Variants in CFAP70 observed in about 807,000 individuals in gnomAD.
CFAP70 encodes cilia- and flagella-associated protein 70.
A neutral mutation model predicts 137.6 loss-of-function variants in CFAP70; 81 were observed. The observed-to-expected ratio is 0.59, with a 90% CI of 0.49 to 0.71. The LOEUF is 0.71. CFAP70 is among the 30% of genes least tolerant of loss of function. The probability of loss-of-function intolerance (pLI) is 0.00; values close to 1 mark genes in which losing one functional copy is unlikely to be tolerated. For synonymous variants in CFAP70, 382 were observed against 423.6 expected (o/e 0.90, Z 1.20); for missense variants, 976 against 1,226.7 (o/e 0.80, Z 3.05).
rs547491696 is a variant in CFAP70, at chr10:73,353,982, C to A, written c.64-240G>T. 2.4e-3 allele frequency among the ~76,000 whole-genome samples: 363 copies of A among 152,254 alleles called. 1 individual carries two copies. Among genetic ancestry groups the A allele is most frequent in the Non-Finnish European group, 4.3e-3 (294 of 68,024 alleles). The stretch of plus-strand genomic sequence containing the variant: ...TGAAAATAACATTTATTGTGTTTCA[C>A]CTAATAATAAAAGTATACTGTGGAA... On this transcript the variant is annotated intron_variant, in intron 2 of 26. Transcript: ENST00000310715.
chr10:73,362,893 G>A (rs1442073957), upstream of CFAP70, among the ~76,000 whole-genome samples: 3 of 150,236 alleles, frequency 2.0e-5, no homozygotes, highest in Admixed American at 6.7e-5. Context: ...CAGTATGTTA[G>A]CTGTGTGTCT....
At chr10:73,268,996 G>C (rs1037838715) in intron 25 of CFAP70, among the ~76,000 whole-genome samples, 2 of 151,980 alleles carry the variant, frequency 1.3e-5, no homozygotes, top group Non-Finnish European at 2.9e-5. Flanking sequence ...CAGACCTCAG[G>C]TATTTTTAAA....
At chr10:73,329,889 G>A (rs2051897931) in intron 8 of CFAP70, among the ~76,000 whole-genome samples, 1 of 152,012 alleles carries the variant, frequency 6.6e-6, no homozygotes, top group African/African-American at 2.4e-5. Flanking sequence ...TGATTGATTA[G>A]CACTATCTAC....
chr10:73,313,655 CAA>C, intron 9 of CFAP70, among the ~76,000 whole-genome samples: 1 of 151,920 alleles, frequency 6.6e-6, no homozygotes, highest in Admixed American at 6.6e-5. Flanking sequence ...CCAGCCTACC[CAA>C]CATGGTGAAA....
At chr10:73,280,456 G>A (rs930262236) in intron 19 of CFAP70, among the ~76,000 whole-genome samples, 2 of 152,120 alleles carry the variant, frequency 1.3e-5, no homozygotes, top group African/African-American at 4.8e-5. Flanking sequence ...GAGTTTGTAA[G>A]TGTTCTCTTT....
At chr10:73,320,823 C>T (rs1343400870) in intron 9 of CFAP70, among the ~76,000 whole-genome samples, 1 of 152,034 alleles carries the variant, frequency 6.6e-6, no homozygotes, top group Non-Finnish European at 1.5e-5. Context: ...CACAACATCA[C>T]GCCCAGCAAA....
intron 20 of CFAP70, 147 bp downstream of exon 21, chr10:73,278,032 C>T (rs2046921068): frequency 1.5e-6 from 1 of 679,430 alleles, no homozygotes; most frequent in Non-Finnish European, 2.4e-6. Flanking sequence ...TCCTTGCTTA[C>T]TGAGAGAGTT....
intron 5 of CFAP70, among the ~76,000 whole-genome samples, chr10:73,343,171 C>T (rs1325744052): frequency 2.0e-5 from 3 of 148,088 alleles, no homozygotes; most frequent in Non-Finnish European, 4.4e-5. Context: ...GATCGCACCA[C>T]TGCACTCCAG....
chr10:73,284,762 A>C (rs1403803865), intron 19 of CFAP70, among the ~76,000 whole-genome samples: 13 of 27,802 alleles, frequency 4.7e-4, no homozygotes, highest in African/African-American at 2.1e-3. Flanking sequence ...ATATATATAT[A>C]TATATATATA....
At chr10:73,303,097 A>G (rs1023018742) in intron 12 of CFAP70, among the ~76,000 whole-genome samples, 6 of 152,002 alleles carry the variant, frequency 3.9e-5, no homozygotes, top group African/African-American at 1.5e-4. Context: ...AGGTCTTGCT[A>G]TGTTGCCCAG....
At chr10:73,337,318 T>C (rs533684935) in intron 6 of CFAP70, among the ~76,000 whole-genome samples, 5 of 151,722 alleles carry the variant, frequency 3.3e-5, no homozygotes, top group Admixed American at 6.6e-5. Flanking sequence ...CTGTCTCTAC[T>C]AAAGTAAATA....
At chr10:73,320,263 C>A (rs1298991358) in intron 9 of CFAP70, among the ~76,000 whole-genome samples, 1 of 151,980 alleles carries the variant, frequency 6.6e-6, no homozygotes, top group Non-Finnish European at 1.5e-5. Context: ...TTAATAAATT[C>A]ATTTGAAATT....
intron 12 of CFAP70, among the ~76,000 whole-genome samples, chr10:73,305,668 A>T (rs911372563): frequency 2.6e-5 from 4 of 152,220 alleles, no homozygotes; most frequent in Admixed American, 6.5e-5. Flanking sequence ...GGCTGAACAC[A>T]AGTTACACCT....
At chr10:73,322,965 T>C (rs533296760) in exon 9 of CFAP70, 1 of 1,585,086 alleles carries the variant, frequency 6.3e-7, no homozygotes, top group Admixed American at 1.9e-5. Context: ...TTTCTTACCT[T>C]TTCATGGACT....
At chr10:73,338,143 ATTTTTTT>A (rs550084202) in intron 6 of CFAP70, among the ~76,000 whole-genome samples, 1 of 129,694 alleles carries the variant, frequency 7.7e-6, no homozygotes, top group Admixed American at 7.9e-5. Context: ...ATATATGCGG[ATTTTTTT>A]TTTTTTTTTT....
At chr10:73,338,432 CTTT>C (rs976162527) in intron 6 of CFAP70, among the ~76,000 whole-genome samples, 1 of 108,484 alleles carries the variant, frequency 9.2e-6, no homozygotes. Flanking sequence ...ATGTGAATCT[CTTT>C]TTTTTTTTTT....
chr10:73,285,785 C>T (rs1306716172), intron 19 of CFAP70, among the ~76,000 whole-genome samples: 1 of 151,946 alleles, frequency 6.6e-6, no homozygotes, highest in East Asian at 1.9e-4. Flanking sequence ...CAGGCGCCCA[C>T]CACCACACCT....
chr10:73,254,142 C>T (rs1168297833), intron 26 of CFAP70, 87 bp from the exon 28 acceptor site: 20 of 1,083,564 alleles, frequency 1.8e-5, no homozygotes, highest in Middle Eastern at 2.4e-4. Context: ...TGTGGGGCTA[C>T]GGCTAAAGAA....
At chr10:73,336,225 C>T (rs2052644771) in intron 6 of CFAP70, among the ~76,000 whole-genome samples, 1 of 152,002 alleles carries the variant, frequency 6.6e-6, no homozygotes, top group Non-Finnish European at 1.5e-5. Context: ...AAGACTTGGC[C>T]ATTGTCATTG....
Sources: gnomAD v4.1 joint callset for allele counts (sites outside exome capture counted in the v4.1 genomes callset) on GRCh38, gnomAD v4.1.1 for gene constraint, MANE v1.5 for transcripts, NCBI Gene and HGNC (gene_info 2026-07-23, HGNC 2026-07-21) for gene names.